RBM10: variants seen among roughly 807,000 people sequenced by gnomAD.
RBM10 encodes the protein RNA binding motif protein 10.
Under a neutral mutation model 84.9 loss-of-function variants are expected in RBM10, and 1 was observed. The observed-to-expected ratio is 0.01, with a 90% CI of 0.00 to 0.06. The LOEUF (loss-of-function observed/expected upper bound fraction) is 0.06. RBM10 is among the 10% of genes least tolerant of loss of function. The pLI is 1.00. For missense variants in RBM10, 438 were observed against 839.0 expected, an observed-to-expected ratio of 0.52 and a Z score of 5.90; for synonymous variants, 326 against 344.5, an observed-to-expected ratio of 0.95 and a Z score of 0.60.
intron 2 of RBM10, among the ~76,000 whole-genome samples, chrX:47,162,598 G>A (rs1206637257): frequency 2.7e-5 from 3 of 111,397 alleles, no homozygotes; most frequent in Admixed American, 1.9e-4. Context: ...TATGGAGGCC[G>A]GGTGTGGTGG....
At chrX:47,149,983 G>T (rs1249741142) in intron 2 of RBM10, among the ~76,000 whole-genome samples, 1 of 108,268 alleles carries the variant, frequency 9.2e-6, no homozygotes, top group Non-Finnish European at 1.9e-5. Flanking sequence ...ACCACGCCCA[G>T]CTAATTTTTT....
intron 4 of RBM10, 44 bp downstream of exon 4, chrX:47,171,302 T>C (rs2147137824): frequency 8.3e-7 from 1 of 1,201,189 alleles, no homozygotes; most frequent in Non-Finnish European, 1.1e-6. Flanking sequence ...AGGCTGGGTC[T>C]CCTCCAGGGC....
chrX:47,178,156 C>T (rs1264341110), intron 7 of RBM10, among the ~76,000 whole-genome samples: 2 of 111,568 alleles, frequency 1.8e-5, no homozygotes, highest in African/African-American at 6.5e-5. Context: ...CTACCCACGC[C>T]TCTCCTCCTC....
At chrX:47,180,895 G>T (rs1935478807) in intron 12 of RBM10, among the ~76,000 whole-genome samples, 1 of 111,552 alleles carries the variant, frequency 9.0e-6, no homozygotes, top group Non-Finnish European at 1.9e-5. Context: ...AGAGAAAATT[G>T]GGAGAAGAGA....
rs187479306 is a variant in RBM10, at chrX:47,165,616, C to T, written c.18-3699C>T. On this transcript the variant is annotated intron_variant, in intron 2 of 23. Transcript: ENST00000377604. ...GGCGGATCACCTGAAGTCAGAAGTT[C>T]GAGACTGGCCTGGCCAACATGGTGA... Among the ~76,000 whole-genome samples the T allele has an allele frequency of 9.4e-3, 1,030 of 109,670 alleles. 12 individuals carry two copies. Among genetic ancestry groups the T allele is most frequent in the African/African-American group, 0.033 (985 of 30,134 alleles).
At chrX:47,155,923 C>T (rs1166240042) in intron 2 of RBM10, among the ~76,000 whole-genome samples, 1 of 103,829 alleles carries the variant, frequency 9.6e-6, no homozygotes, top group African/African-American at 3.5e-5. Flanking sequence ...GATTCTCCTG[C>T]CTCAGCCTCC....
intron 7 of RBM10, 152 bp from the exon 8 acceptor site, chrX:47,178,951 A>T (rs1556777343): frequency 5.0e-5 from 54 of 1,087,542 alleles, no homozygotes; most frequent in Non-Finnish European, 4.9e-5. Flanking sequence ...ACTGAGAACA[A>T]CATCAGAAGG....
In RBM10 at chrX:47,166,707, G is replaced by A. The variant is rs782735841; in HGVS notation, c.18-2608G>A. On this transcript the variant is annotated intron_variant, in intron 2 of 23. Coordinates refer to ENST00000377604, the MANE Select transcript of RBM10 (RefSeq NM_005676.5). ...TGTTGTCCAGGCTGGTCTTGGCCTC[G>A]AGCAATCCTCCCACTTTCACCCCGC... 2.6e-4 allele frequency among the ~76,000 whole-genome samples: 28 copies of A among 109,166 alleles called. No homozygotes were observed. The East Asian group carries it at 4.3e-3, about 17-fold the overall frequency. The allele number at this position is 109,166 out of a possible 115,157, so 94.8% of individuals were successfully genotyped here.
chrX:47,180,548 G>A (rs2147181316), intron 12 of RBM10, 42 bp downstream of exon 12: 1 of 1,199,299 alleles, frequency 8.3e-7, no homozygotes, highest in Non-Finnish European at 1.1e-6. Context: ...TGAGACCTGG[G>A]CTTTCTCAAC....
intron 12 of RBM10, 140 bp downstream of exon 12, chrX:47,180,646 C>T: frequency 9.5e-7 from 1 of 1,057,271 alleles, no homozygotes. Context: ...GCTATTCTAC[C>T]TTGCTCCTGG....
rs1556781820 is a variant in RBM10, at chrX:47,185,452, G to A, written c.2177G>A (p.Arg726Gln). 2.6e-6 allele frequency: 3 copies of A among 1,173,253 alleles called. No individual in the cohort carries two copies. The highest frequency in any genetic ancestry group is 5.1e-5 in the Admixed American group (2 of 39,486). Residue 726 changes from arginine (R) to glutamine (Q), a missense_variant, in exon 20 of 24, where the codon CGA (arginine) becomes CAA (glutamine). Arg to Gln is a conservative substitution (Grantham distance 43, BLOSUM62 1). Coordinates refer to ENST00000377604, the MANE Select transcript of RBM10 (RefSeq NM_005676.5). ...CCTCACCCTCTACAGAGCCCTCCGC[G>A]AGGACTGGTGGCAGCCTACAGCGGG... is the stretch of plus-strand genomic sequence containing the variant. Reference protein sequence around the residue: ...LASDDRPSPPRGLVAAYSGES... With the variant: ...LASDDRPSPPQGLVAAYSGES...
At chrX:47,174,874 T>G in intron 5 of RBM10, 145 bp from the exon 6 acceptor site, 1 of 453,085 alleles carries the variant, frequency 2.2e-6, no homozygotes, top group Non-Finnish European at 4.0e-6. Context: ...CTCTCTCTGA[T>G]TGCCTCTTTC....
intron 2 of RBM10, chrX:47,157,719 T>G: frequency 1.9e-6 from 1 of 523,405 alleles, no homozygotes; most frequent in Non-Finnish European, 3.5e-6. Flanking sequence ...AGTCAACTTG[T>G]GAATGATGAC....
chrX:47,172,430 C>T (rs1007911776), intron 4 of RBM10, among the ~76,000 whole-genome samples: 2 of 112,465 alleles, frequency 1.8e-5, no homozygotes, highest in Admixed American at 9.4e-5. Flanking sequence ...CCAAGAATGG[C>T]TGGCATAGGC....
rs782818769 is a variant in RBM10 at position 47,181,946 on chromosome X, C to G, written c.1694-5C>G. Reference sequence around the variant, plus strand: ...TAGTGTGACCCCGTTCCCCTCACCCCCTAGCTGTTCCCGACGTCTCTACCT... The same window carrying G: ...TAGTGTGACCCCGTTCCCCTCACCCGCTAGCTGTTCCCGACGTCTCTACCT... On this transcript the variant is annotated splice_region_variant and splice_polypyrimidine_tract_variant and intron_variant, in intron 15 of 23. Coordinates refer to ENST00000377604, the MANE Select transcript of RBM10 (RefSeq NM_005676.5). 24 of 1,211,226 alleles carry G rather than the reference C, an allele frequency of 2.0e-5. No homozygotes were observed. Among genetic ancestry groups the G allele is most frequent in the Non-Finnish European group, 2.6e-5 (23 of 895,398 alleles).
chrX:47,184,968 G>A (rs1313824313), intron 17 of RBM10, 87 bp from the exon 18 acceptor site: 13 of 1,063,793 alleles, frequency 1.2e-5, no homozygotes, highest in Non-Finnish European at 1.5e-5. Context: ...CCGTGTTTGA[G>A]GATGCAGGGC....
intron 2 of RBM10, among the ~76,000 whole-genome samples, chrX:47,152,142 G>A (rs1372854415): frequency 8.9e-6 from 1 of 112,050 alleles, no homozygotes; most frequent in Non-Finnish European, 1.9e-5. Context: ...AACCTGGGAG[G>A]TGGAGGTTGC....
intron 4 of RBM10, among the ~76,000 whole-genome samples, chrX:47,172,728 A>T (rs1173096184): frequency 1.8e-5 from 2 of 112,065 alleles, no homozygotes; most frequent in African/African-American, 6.5e-5. Context: ...GGTGCGGGTT[A>T]TCCCCTTGCC....
In RBM10 at chrX:47,173,148, G is replaced by A. The variant is rs782549484; in HGVS notation, c.453G>A (p.Ser151=). 24 of 1,210,978 alleles carry A rather than the reference G, an allele frequency of 2.0e-5. No individual in the cohort carries two copies. The highest frequency in any genetic ancestry group is 5.3e-5 in the South Asian group (3 of 56,893). ...TATAGATCCGTGGCCAGCTGCAGTC[G>A]CACGGCGTGCAAGCACGGGAGGTTC... ...TEDDIRGQLQ[S]HGVQAREVRL... Residue 151 remains serine (S), a synonymous_variant, in exon 5 of 24, where the codon TCG becomes TCA. Coordinates refer to ENST00000377604, the MANE Select transcript of RBM10 (RefSeq NM_005676.5).
Sources: allele counts gnomAD v4.1 joint callset (sites outside exome capture counted in the v4.1 genomes callset), GRCh38; gene constraint gnomAD v4.1.1; transcripts MANE v1.5; gene names NCBI Gene and HGNC (gene_info 2026-07-23, HGNC 2026-07-21).